CACNA2D1: variants seen among roughly 807,000 people sequenced by gnomAD.
CACNA2D1 encodes voltage-dependent calcium channel subunit alpha-2/delta-1.
A neutral mutation model predicts 171.5 loss-of-function variants in CACNA2D1; 53 were observed. That is an observed-to-expected ratio of 0.31 (90% confidence interval 0.25 to 0.39). CACNA2D1 has a LOEUF of 0.39. Ranked by LOEUF, CACNA2D1 falls within the 10% of genes least tolerant of loss-of-function variation. The pLI is 1.00. For missense variants in CACNA2D1, 903 were observed against 1,299.8 expected, an observed-to-expected ratio of 0.69 and a Z score of 4.69; for synonymous variants, 442 against 443.1, an observed-to-expected ratio of 1.00 and a Z score of 0.03.
chr7:82,017,714 G>A (rs1012355150), intron 12 of CACNA2D1, among the ~76,000 whole-genome samples: 1 of 151,750 alleles, frequency 6.6e-6, no homozygotes, highest in Non-Finnish European at 1.5e-5. Flanking sequence ...TAAAACTTAA[G>A]GTAAATTACC....
At chr7:82,047,760 A>G (rs1339627935) in intron 10 of CACNA2D1, among the ~76,000 whole-genome samples, 1 of 152,214 alleles carries the variant, frequency 6.6e-6, no homozygotes, top group Non-Finnish European at 1.5e-5. Context: ...GAGGGAATAC[A>G]GAGATATAGA....
chr7:82,138,516 G>A lies in CACNA2D1; in HGVS notation c.355-1840C>T, dbSNP rs1303207016. ...GGCTGGAGTGCAGTGGCGCGATCTCGGCTCACTGCAAGCTCCACCTCCTGG... is the reference window on the plus strand; with the variant it reads ...GGCTGGAGTGCAGTGGCGCGATCTCAGCTCACTGCAAGCTCCACCTCCTGG... On this transcript the variant is annotated intron_variant, in intron 4 of 38. Transcript: ENST00000356860. Among the ~76,000 whole-genome samples, 6 of 146,588 alleles carry A rather than the reference G, an allele frequency of 4.1e-5. No homozygotes were observed. In the East Asian group the frequency reaches 1.0e-3, roughly 25 times the overall value.
intron 13 of CACNA2D1, among the ~76,000 whole-genome samples, chr7:82,013,995 C>T (rs1408757869): frequency 6.6e-6 from 1 of 151,762 alleles, no homozygotes; most frequent in East Asian, 1.9e-4. Context: ...TTTGAATTAT[C>T]CTGGAATGTA....
intron 4 of CACNA2D1, among the ~76,000 whole-genome samples, chr7:82,161,593 C>A (rs1048800801): frequency 2.0e-5 from 3 of 151,992 alleles, no homozygotes; most frequent in Non-Finnish European, 4.4e-5. Flanking sequence ...ATTAAGATTA[C>A]TCCTGAATTT....
At chr7:82,334,808 G>A (rs1817789098) in intron 3 of CACNA2D1, among the ~76,000 whole-genome samples, 1 of 151,954 alleles carries the variant, frequency 6.6e-6, no homozygotes, top group African/African-American at 2.4e-5. Flanking sequence ...GTGTAAACAT[G>A]TTCAATTATT....
chr7:81,975,941 C>G (rs1338370957), intron 24 of CACNA2D1, among the ~76,000 whole-genome samples: 2 of 151,684 alleles, frequency 1.3e-5, no homozygotes, highest in Non-Finnish European at 2.9e-5. Flanking sequence ...GCTGGCTATC[C>G]AAATCTGAAT....
At chr7:82,125,229 C>T (rs1790203075) in intron 5 of CACNA2D1, among the ~76,000 whole-genome samples, 1 of 152,160 alleles carries the variant, frequency 6.6e-6, no homozygotes, top group Admixed American at 6.6e-5. Context: ...AATAAATCAA[C>T]TCAATTTAAT....
At chr7:82,027,796 A>G (rs1802128528) in intron 12 of CACNA2D1, 1 of 151,766 alleles carries the variant, frequency 6.6e-6, no homozygotes, top group Non-Finnish European at 1.5e-5. Context: ...CATCTGTTAT[A>G]GTGATCATTA....
At chr7:82,136,788 AATAT>A in intron 4 of CACNA2D1, 112 bp from the exon 5 acceptor site, 1 of 768,848 alleles carries the variant, frequency 1.3e-6, no homozygotes, top group Non-Finnish European at 2.1e-6. Flanking sequence ...TTTCTTTCAC[AATAT>A]ATTCCACAAT....
At chr7:82,255,064 T>C (rs1806134662) in intron 3 of CACNA2D1, among the ~76,000 whole-genome samples, 1 of 152,202 alleles carries the variant, frequency 6.6e-6, no homozygotes, top group African/African-American at 2.4e-5. Context: ...CCCTAGCTAT[T>C]CGGCTTCATC....
intron 3 of CACNA2D1, among the ~76,000 whole-genome samples, chr7:82,310,805 T>G (rs964425924): frequency 6.6e-6 from 1 of 152,168 alleles, no homozygotes; most frequent in African/African-American, 2.4e-5. Context: ...AATCAATGAC[T>G]ATTATTTCAC....
chr7:82,428,777 T>C (rs1829422429), intron 1 of CACNA2D1, among the ~76,000 whole-genome samples: 1 of 152,182 alleles, frequency 6.6e-6, no homozygotes, highest in Non-Finnish European at 1.5e-5. Context: ...GAAAATTAAC[T>C]TTCCAAGATC....
rs180913591 is a variant in CACNA2D1 at position 82,315,274 on chromosome 7, G to C, written c.294+19861C>G. 4.3e-4 allele frequency among the ~76,000 whole-genome samples: 66 copies of C among 152,056 alleles called. No homozygotes were observed. In the East Asian group the frequency reaches 0.012, roughly 27 times the overall value. ...TGCATCTTAATTTGCAAAATAGCTG[G>C]TACCATATTTAAACAGTAGGGTTAT... is the stretch of plus-strand genomic sequence containing the variant. On this transcript the variant is annotated intron_variant, in intron 3 of 38. Transcript: ENST00000356860.
chr7:82,088,991 T>G (rs1204568221), intron 6 of CACNA2D1, among the ~76,000 whole-genome samples: 1 of 152,138 alleles, frequency 6.6e-6, no homozygotes, highest in Non-Finnish European at 1.5e-5. Flanking sequence ...CTAATGCTGC[T>G]GCTCACCTGA....
chr7:82,082,473 G>A (rs1385475953), intron 7 of CACNA2D1, among the ~76,000 whole-genome samples: 3 of 151,814 alleles, frequency 2.0e-5, no homozygotes, highest in South Asian at 2.1e-4. Flanking sequence ...TGATTGGTTT[G>A]TAAGTATGCA....
intron 3 of CACNA2D1, among the ~76,000 whole-genome samples, chr7:82,278,959 T>C (rs1377547065): frequency 6.6e-6 from 1 of 152,186 alleles, no homozygotes; most frequent in African/African-American, 2.4e-5. Flanking sequence ...TCTAGGAACC[T>C]AAGCAAAACC....
intron 1 of CACNA2D1, among the ~76,000 whole-genome samples, chr7:82,424,280 T>C (rs1281768670): frequency 6.6e-6 from 1 of 152,182 alleles, no homozygotes; most frequent in Non-Finnish European, 1.5e-5. Context: ...ATGGAGTATA[T>C]GAAGGACCTA....
intron 3 of CACNA2D1, among the ~76,000 whole-genome samples, chr7:82,250,085 A>G (rs1036114635): frequency 6.6e-6 from 1 of 152,228 alleles, no homozygotes; most frequent in Non-Finnish European, 1.5e-5. Flanking sequence ...GAGAGGCACC[A>G]GTGGCAGGAT....
intron 3 of CACNA2D1, among the ~76,000 whole-genome samples, chr7:82,303,090 TTCATGCCATTCTCCCGCC>T (rs1158005649): frequency 6.6e-6 from 1 of 152,010 alleles, no homozygotes; most frequent in Non-Finnish European, 1.5e-5. Context: ...GCCTCCTGGG[TTCATGCCATTCTCCCGCC>T]TCAGCCTCCT....
Sources: allele counts gnomAD v4.1 joint callset (sites outside exome capture counted in the v4.1 genomes callset), GRCh38; gene constraint gnomAD v4.1.1; transcripts MANE v1.5; gene names NCBI Gene and HGNC (gene_info 2026-07-23, HGNC 2026-07-21).